Variants in NFAT5 observed in about 807,000 individuals in gnomAD.
The protein encoded by NFAT5 is nuclear factor of activated T-cells 5.
A neutral mutation model predicts 166.5 loss-of-function variants in NFAT5; 31 were observed. The observed-to-expected ratio is 0.19, with a 90% CI of 0.14 to 0.25. The LOEUF (loss-of-function observed/expected upper bound fraction) is 0.25, where lower values mean the gene tolerates loss of function less well. Among genes scored for constraint, NFAT5 ranks in the 10% least tolerant of loss-of-function variants. The pLI is 1.00. For missense variants in NFAT5, 1,449 were observed against 1,821.8 expected (o/e 0.80, Z 3.72); for synonymous variants, 612 against 639.7 (o/e 0.96, Z 0.65).
rs2036799324 is a variant in NFAT5, at chr16:69,675,569, G to GA, written c.1558-1634_1558-1633insA. The stretch of plus-strand genomic sequence containing the variant: ...TTTCCACCTAGTTGAAAAGAATGTG[G>GA]TTTTTTTGAGATGGCCAACTTAGGA... On this transcript the variant is annotated intron_variant, in intron 9 of 14. Coordinates refer to ENST00000349945, the MANE Select transcript of NFAT5 (RefSeq NM_138713.4). Among the ~76,000 whole-genome samples, 3 of 152,228 alleles carry GA rather than the reference G, an allele frequency of 2.0e-5. No individual in the cohort carries two copies. The South Asian group carries it at 6.2e-4, about 32-fold the overall frequency.
At chr16:69,695,093 A>G (rs1044995574) in intron 13 of NFAT5, 43 bp from the exon 14 acceptor site, 1 of 1,371,916 alleles carries the variant, frequency 7.3e-7, no homozygotes, top group African/African-American at 1.4e-5. Flanking sequence ...GTTTCTGCAG[A>G]CTGTAGTCAG....
intron 2 of NFAT5, among the ~76,000 whole-genome samples, chr16:69,599,438 ATGG>A (rs2033003412): frequency 6.6e-6 from 1 of 152,018 alleles, no homozygotes; most frequent in African/African-American, 2.4e-5. Flanking sequence ...TTAGCTGGGC[ATGG>A]TGGCGCGTGC....
At chr16:69,686,111 G>A (rs988286826) in intron 11 of NFAT5, 4 of 152,162 alleles carry the variant, frequency 2.6e-5, no homozygotes, top group African/African-American at 9.7e-5. Flanking sequence ...CACTTTGGGA[G>A]GCTGAGCTTG....
chr16:69,593,529 T>A (rs1183055308), intron 2 of NFAT5, among the ~76,000 whole-genome samples: 1 of 151,522 alleles, frequency 6.6e-6, no homozygotes, highest in African/African-American at 2.4e-5. Context: ...TGCCCAGGCG[T>A]GTCTCAAACT....
intron 2 of NFAT5, among the ~76,000 whole-genome samples, chr16:69,575,489 A>G (rs1399222320): frequency 6.6e-6 from 1 of 152,072 alleles, no homozygotes; most frequent in Non-Finnish European, 1.5e-5. Context: ...TCTTTATAAA[A>G]TTAGTTTTAC....
intron 10 of NFAT5, among the ~76,000 whole-genome samples, chr16:69,682,349 T>C (rs2037100936): frequency 6.6e-6 from 1 of 151,464 alleles, no homozygotes. Context: ...GGCTCACATA[T>C]GTGGTCCTGA....
chr16:69,575,956 C>T (rs1290114001), intron 2 of NFAT5, among the ~76,000 whole-genome samples: 1 of 152,018 alleles, frequency 6.6e-6, no homozygotes, highest in African/African-American at 2.4e-5. Context: ...ATTTGAACTT[C>T]ACCAGTTTTA....
At chr16:69,586,844 A>G (rs1229412649) in intron 2 of NFAT5, among the ~76,000 whole-genome samples, 1 of 152,220 alleles carries the variant, frequency 6.6e-6, no homozygotes, top group Non-Finnish European at 1.5e-5. Context: ...GTGAGCCAAG[A>G]AGAAGAAAAG....
At chr16:69,644,846 A>T (rs1216509858) in intron 3 of NFAT5, 3 of 455,028 alleles carry the variant, frequency 6.6e-6, no homozygotes, top group South Asian at 4.7e-5. Context: ...TGATCCTTAG[A>T]TTTAAAAAGG....
chr16:69,571,920 C>T (rs1004985498), intron 2 of NFAT5, among the ~76,000 whole-genome samples: 4 of 151,960 alleles, frequency 2.6e-5, no homozygotes, highest in African/African-American at 4.8e-5. Context: ...CCACCACGCC[C>T]GGCTAATTTT....
At chr16:69,619,618 G>C (rs1351774511) in intron 2 of NFAT5, among the ~76,000 whole-genome samples, 1 of 152,136 alleles carries the variant, frequency 6.6e-6, no homozygotes, top group Non-Finnish European at 1.5e-5. Context: ...AAAAATAGTA[G>C]CTGTAATTAT....
At chr16:69,621,281 T>C (rs1597414514) in intron 2 of NFAT5, among the ~76,000 whole-genome samples, 2 of 152,276 alleles carry the variant, frequency 1.3e-5, no homozygotes, top group Non-Finnish European at 2.9e-5. Context: ...TTTATTGATA[T>C]ATAATTTACA....
intron 2 of NFAT5, among the ~76,000 whole-genome samples, chr16:69,603,716 C>T (rs1326142277): frequency 1.3e-5 from 2 of 152,190 alleles, no homozygotes; most frequent in Admixed American, 6.5e-5. Context: ...TACACCACTG[C>T]ACTCTAGCCT....
chr16:69,615,509 C>A (rs2033901863), intron 2 of NFAT5, among the ~76,000 whole-genome samples: 1 of 152,122 alleles, frequency 6.6e-6, no homozygotes, highest in Non-Finnish European at 1.5e-5. Flanking sequence ...TCTCCTAGGA[C>A]CTTTCAGAGG....
intron 2 of NFAT5, 59 bp from the exon 3 acceptor site, chr16:69,626,340 TATTA>T: frequency 3.5e-6 from 5 of 1,441,618 alleles, no homozygotes; most frequent in Non-Finnish European, 4.7e-6. Context: ...ATTTTGTGCA[TATTA>T]GATTGTTGAC....
intron 3 of NFAT5, among the ~76,000 whole-genome samples, chr16:69,645,189 C>T (rs530807049): frequency 6.6e-6 from 1 of 152,140 alleles, no homozygotes; most frequent in Non-Finnish European, 1.5e-5. Context: ...ATATAGATTT[C>T]GTAGTTTTTA....
chr16:69,591,934 T>TA (rs893337481), intron 2 of NFAT5, among the ~76,000 whole-genome samples: 15 of 151,652 alleles, frequency 9.9e-5, no homozygotes, highest in Middle Eastern at 3.4e-3. Flanking sequence ...TGTCTTGATT[T>TA]AAAAAAAAAT....
chr16:69,689,895 G>A (rs902227487), intron 11 of NFAT5, among the ~76,000 whole-genome samples: 2 of 152,148 alleles, frequency 1.3e-5, no homozygotes, highest in Admixed American at 6.5e-5. Context: ...TGAAGGGAGC[G>A]ATCCAACTTA....
rs1353683100 is a variant in NFAT5 at position 69,647,047 on chromosome 16, C to T, written c.273C>T (p.Ser91=). 3.1e-6 allele frequency: 5 copies of T among 1,587,494 alleles called. No individual in the cohort carries two copies. The highest frequency in any genetic ancestry group is 4.3e-6 in the Non-Finnish European group (5 of 1,163,534). ...VVAADASSAP[S]SSSMGGACSS... ...CTGCAGATGCTTCTTCAGCTCCCTC[C>T]TCTTCCTCCATGGGCGGTGCTTGCA... is the stretch of plus-strand genomic sequence containing the variant. The change falls in exon 4 of 15, where the codon TCC becomes TCT. Residue 91 remains serine, a synonymous_variant. Coordinates refer to ENST00000349945, the MANE Select transcript of NFAT5 (RefSeq NM_138713.4). This position sits in a 1 kb window ranked among gnomAD's most constrained non-coding sequence, Gnocchi z 4.8.
Sources: allele counts gnomAD v4.1 joint callset (sites outside exome capture counted in the v4.1 genomes callset), GRCh38; gene constraint gnomAD v4.1.1; non-coding constraint Gnocchi (gnomAD v3.1); transcripts MANE v1.5; gene names NCBI Gene and HGNC (gene_info 2026-07-23, HGNC 2026-07-21).